Variants in CECR2 observed in about 807,000 individuals in gnomAD.
CECR2 encodes chromatin remodeling regulator CECR2.
In CECR2, 30 loss-of-function variants were observed where a neutral mutation model predicts 154.5. The observed-to-expected ratio is 0.19, with a 90% CI of 0.15 to 0.26. CECR2 has a LOEUF of 0.26. CECR2 is among the 10% of genes least tolerant of loss of function. CECR2 has a pLI of 1.00. For synonymous variants in CECR2, 725 were observed against 683.7 expected, an observed-to-expected ratio of 1.06 and a Z score of -0.94; for missense variants, 1,743 against 1,829.3, an observed-to-expected ratio of 0.95 and a Z score of 0.86.
intron 9 of CECR2, among the ~76,000 whole-genome samples, chr22:17,531,116 G>C (rs1023764176): frequency 6.6e-6 from 1 of 152,150 alleles, no homozygotes; most frequent in African/African-American, 2.4e-5. Context: ...AATCAGTTGG[G>C]GTCCAGCCTT....
intron 1 of CECR2, among the ~76,000 whole-genome samples, chr22:17,416,559 C>G (rs888036796): frequency 6.6e-6 from 1 of 152,208 alleles, no homozygotes; most frequent in Non-Finnish European, 1.5e-5. Context: ...GAGTCTTGCT[C>G]TGGTCGCCCA....
rs552114516 is a variant in CECR2, at chr22:17,509,472, C to G, written c.871-2341C>G. Among the ~76,000 whole-genome samples the G allele has an allele frequency of 3.4e-4, 52 of 151,408 alleles. 1 individual carries two copies. Among genetic ancestry groups the G allele is most frequent in the African/African-American group, 1.2e-3 (51 of 41,238 alleles). On this transcript the variant is annotated intron_variant, in intron 7 of 18. Transcript: ENST00000262608. ...GAGACAGGGACCTTACTCTGTTACC[C>G]AGGCTGGAGTGCAGTAGCGTGATCA...
At chr22:17,375,981 C>T (rs1022335419) in intron 1 of CECR2, among the ~76,000 whole-genome samples, 3 of 151,528 alleles carry the variant, frequency 2.0e-5, no homozygotes, top group Non-Finnish European at 4.4e-5. Flanking sequence ...AAAAATAGTC[C>T]TTTGTCACAC....
chr22:17,520,131 G>A (rs1046590360), intron 8 of CECR2, among the ~76,000 whole-genome samples: 1 of 152,144 alleles, frequency 6.6e-6, no homozygotes, highest in Non-Finnish European at 1.5e-5. Context: ...AATTTCATGA[G>A]TAATTGGCTT....
At chr22:17,435,625 C>G (rs537031767) in intron 1 of CECR2, among the ~76,000 whole-genome samples, 1 of 141,390 alleles carries the variant, frequency 7.1e-6, no homozygotes, top group South Asian at 2.2e-4. Flanking sequence ...AAATTCTGGA[C>G]AGGCCACAAA....
At chr22:17,370,067 G>T (rs1230919787) in intron 1 of CECR2, among the ~76,000 whole-genome samples, 158 bp downstream of exon 1, 2,037 of 151,368 alleles carry the variant, frequency 0.013, 46 homozygotes, top group African/African-American at 0.047. Flanking sequence ...AGGAGGGCGG[G>T]CGGGGGCCGC....
At chr22:17,517,056 T>C (rs1218857046) in intron 8 of CECR2, among the ~76,000 whole-genome samples, 1 of 152,050 alleles carries the variant, frequency 6.6e-6, no homozygotes, top group Non-Finnish European at 1.5e-5. Flanking sequence ...TTTTTGTATT[T>C]TTAGTGGAGT....
intron 1 of CECR2, among the ~76,000 whole-genome samples, chr22:17,466,760 A>G (rs925727126): frequency 3.3e-5 from 5 of 151,962 alleles, no homozygotes; most frequent in African/African-American, 1.2e-4. Flanking sequence ...ATGCCTGGCT[A>G]ATTTTTGTAT....
rs1193951610 is a variant in CECR2 at position 17,535,976 on chromosome 22, C to CCATG, written c.1109-1126_1109-1123dup. Among the ~76,000 whole-genome samples, 6 of 152,242 alleles carry CCATG rather than the reference C, an allele frequency of 3.9e-5. No homozygotes were observed. The East Asian group carries it at 1.2e-3, about 29-fold the overall frequency. ...AGAAAGTAGAGGCTCAGGCCAGGCA[C>CCATG]CATGGCTCACTCCTGTAATCCCAGC... is the stretch of plus-strand genomic sequence containing the variant. On this transcript the variant is annotated intron_variant, in intron 9 of 18. Coordinates refer to ENST00000262608, the MANE Select transcript of CECR2 (RefSeq NM_001290047.2).
chr22:17,377,236 A>T (rs1489178034), intron 1 of CECR2, among the ~76,000 whole-genome samples: 8 of 152,196 alleles, frequency 5.3e-5, no homozygotes, highest in Non-Finnish European at 1.2e-4. Context: ...GTGTGTTTGC[A>T]AATTATAGGA....
At chr22:17,430,077 GT>G (rs1413612679) in intron 1 of CECR2, among the ~76,000 whole-genome samples, 1 of 152,146 alleles carries the variant, frequency 6.6e-6, no homozygotes, top group East Asian at 1.9e-4. Context: ...GTTGATGATA[GT>G]TTTCCTTTTT....
chr22:17,451,723 A>G (rs1192079401), intron 1 of CECR2, among the ~76,000 whole-genome samples: 3 of 152,222 alleles, frequency 2.0e-5, no homozygotes, highest in Non-Finnish European at 4.4e-5. Flanking sequence ...GCAGCAAAGC[A>G]TCCTTCACCA....
At chr22:17,361,518 AC>A (rs1275719924) in intron 1 of CECR2, among the ~76,000 whole-genome samples, 4 of 151,888 alleles carry the variant, frequency 2.6e-5, no homozygotes, top group Non-Finnish European at 4.4e-5. Flanking sequence ...CAAAAAAAAA[AC>A]AACCTAGGTT....
chr22:17,503,172 A>G (rs751452630), intron 6 of CECR2, 41 bp downstream of exon 6: 12 of 1,550,778 alleles, frequency 7.7e-6, no homozygotes, highest in Admixed American at 3.5e-5. Context: ...TTAAATAAAT[A>G]TGATTCATTT....
At chr22:17,389,480 GT>G (rs1399933106) in intron 1 of CECR2, among the ~76,000 whole-genome samples, 2 of 151,938 alleles carry the variant, frequency 1.3e-5, no homozygotes, top group Non-Finnish European at 2.9e-5. Flanking sequence ...TAAAAACATT[GT>G]TTTTTTCTTT....
intron 7 of CECR2, among the ~76,000 whole-genome samples, chr22:17,505,270 A>G (rs927123249): frequency 2.0e-5 from 3 of 151,896 alleles, no homozygotes; most frequent in African/African-American, 7.3e-5. Flanking sequence ...GGCTTTTCAC[A>G]GCCTGGAACC....
At chr22:17,402,754 C>CTTTTTTTTTTTTTTTTTTT (rs386394918) in intron 1 of CECR2, among the ~76,000 whole-genome samples, 1 of 123,104 alleles carries the variant, frequency 8.1e-6, no homozygotes, top group Non-Finnish European at 1.7e-5. Flanking sequence ...TTCTTTTCTT[C>CTTTTTTTTTTTTTTTTTTT]TTTTTTTTTT....
chr22:17,378,264 T>G (rs1408407980), intron 1 of CECR2, among the ~76,000 whole-genome samples: 1 of 151,080 alleles, frequency 6.6e-6, no homozygotes, highest in Non-Finnish European at 1.5e-5. Context: ...ATTACAGGTG[T>G]GAGCCACCGC....
Position 17,509,672 on chromosome 22 carries a change from GT to G in CECR2, c.871-2136del, listed in dbSNP as rs1416421314. ...AATGAAATGCTATCACTTGACAGAA[GT>G]TTTTGTTTAATTACAAAGAACCCAT... On this transcript the variant is annotated intron_variant, in intron 7 of 18. Transcript: ENST00000262608. Among the ~76,000 whole-genome samples, 7 of 152,128 alleles carry G rather than the reference GT, an allele frequency of 4.6e-5. No homozygotes were observed. In the East Asian group the frequency reaches 1.4e-3, roughly 29 times the overall value.
Sources: allele counts gnomAD v4.1 joint callset (sites outside exome capture counted in the v4.1 genomes callset), GRCh38; gene constraint gnomAD v4.1.1; transcripts MANE v1.5; gene names NCBI Gene and HGNC (gene_info 2026-07-23, HGNC 2026-07-21).